The following DPP6 variants were observed in gnomAD, a reference collection of about 807,000 sequenced individuals.
The protein encoded by DPP6 is dipeptidyl peptidase like 6.
Under a neutral mutation model 122.6 loss-of-function variants are expected in DPP6, and 69 were observed. That is an observed-to-expected ratio of 0.56 (90% CI 0.46 to 0.69). The LOEUF is 0.69. Ranked by LOEUF, DPP6 falls within the 30% of genes least tolerant of loss-of-function variation. The pLI, the probability that DPP6 is intolerant of heterozygous loss-of-function variation, is 0.00. For missense variants in DPP6, 928 were observed against 1,116.9 expected, an observed-to-expected ratio of 0.83 and a Z score of 2.41; for synonymous variants, 418 against 433.1, an observed-to-expected ratio of 0.97 and a Z score of 0.43.
intron 1 of DPP6, among the ~76,000 whole-genome samples, chr7:154,370,556 G>A (rs867164572): frequency 9.2e-5 from 14 of 152,132 alleles, no homozygotes; most frequent in African/African-American, 2.2e-4. Context: ...TAAACTCTTC[G>A]TTGATCTTTG....
In DPP6 at chr7:154,499,141, C is replaced by T. The variant is rs1321197772; in HGVS notation, c.457+24104C>T. Among the ~76,000 whole-genome samples the T allele has an allele frequency of 5.9e-5, 9 of 152,238 alleles. No homozygotes were observed. The South Asian group carries it at 1.4e-3, about 25-fold the overall frequency. On this transcript the variant is annotated intron_variant, in intron 3 of 25. Transcript: ENST00000377770. ...TATCTGGACATATTGAATCCCTAGC[C>T]AACATTAGGGTTCTGAGGAGGACAG...
intron 1 of DPP6, among the ~76,000 whole-genome samples, chr7:153,953,748 G>C (rs1357929793): frequency 6.6e-6 from 1 of 152,182 alleles, no homozygotes; most frequent in East Asian, 1.9e-4. Context: ...ATGCATGTGT[G>C]TGTATATGTG....
At chr7:154,763,685 GAGA>G (rs1489610666) in intron 8 of DPP6, among the ~76,000 whole-genome samples, 6 of 152,218 alleles carry the variant, frequency 3.9e-5, no homozygotes, top group African/African-American at 1.4e-4. Flanking sequence ...GAGCGCATGT[GAGA>G]AGAACTCTTA....
At chr7:154,010,527 C>T (rs1367422780) in intron 1 of DPP6, among the ~76,000 whole-genome samples, 2 of 152,228 alleles carry the variant, frequency 1.3e-5, no homozygotes, top group Admixed American at 6.5e-5. Flanking sequence ...AGCTCATCTA[C>T]GTGCATGTCA....
intron 1 of DPP6, among the ~76,000 whole-genome samples, chr7:154,382,011 A>G (rs1473686422): frequency 2.0e-5 from 3 of 151,072 alleles, no homozygotes; most frequent in Non-Finnish European, 2.9e-5. Context: ...TTACATGCAA[A>G]CCAGGTTTTC....
intron 1 of DPP6, among the ~76,000 whole-genome samples, chr7:153,946,334 A>G (rs1801945842): frequency 6.6e-6 from 1 of 152,170 alleles, no homozygotes; most frequent in African/African-American, 2.4e-5. Context: ...AGGTTGGGGC[A>G]GAGATTTCAC....
intron 3 of DPP6, among the ~76,000 whole-genome samples, chr7:154,500,877 A>G (rs1209217340): frequency 6.6e-6 from 1 of 152,194 alleles, no homozygotes; most frequent in Non-Finnish European, 1.5e-5. Context: ...AGCTCAGAAG[A>G]AGGAAAATGT....
At chr7:154,756,635 ACCT>A (rs1843688257) in intron 8 of DPP6, among the ~76,000 whole-genome samples, 1 of 151,550 alleles carries the variant, frequency 6.6e-6, no homozygotes, top group South Asian at 2.1e-4. Context: ...CACCCATCCC[ACCT>A]CCTTAAGGTG....
In DPP6 at chr7:153,980,912, C is replaced by T. The variant is rs370791362; in HGVS notation, c.51+93178C>T. ...TTTGATTGTGCCGTGGTCTGAGAGA[C>T]TGTTCGCTTTAATTTCCGTTCTTTT... On this transcript the variant is annotated intron_variant, in intron 1 of 25. Coordinates refer to the DPP6 transcript ENST00000404039. 2.0e-4 allele frequency among the ~76,000 whole-genome samples: 30 copies of T among 152,296 alleles called. No homozygotes were observed. In the East Asian group the frequency reaches 4.4e-3, roughly 23 times the overall value.
chr7:154,554,175 A>T (rs1446666282), intron 4 of DPP6, among the ~76,000 whole-genome samples: 1 of 152,142 alleles, frequency 6.6e-6, no homozygotes, highest in Non-Finnish European at 1.5e-5. Context: ...GGCCACTATC[A>T]TTAACATTAT....
At chr7:154,365,920 T>A (rs1563551705) in intron 1 of DPP6, among the ~76,000 whole-genome samples, 2 of 137,882 alleles carry the variant, frequency 1.5e-5, no homozygotes, top group Non-Finnish European at 3.0e-5. Context: ...ATCGCGCCAC[T>A]GCGTTCCAGC....
chr7:154,455,085 T>A (rs183127121), intron 2 of DPP6, among the ~76,000 whole-genome samples: 1 of 152,150 alleles, frequency 6.6e-6, no homozygotes, highest in African/African-American at 2.4e-5. Flanking sequence ...CTGCCATCAG[T>A]ATGTCGACAA....
chr7:154,727,921 T>C (rs1163346630), intron 8 of DPP6, 34 bp downstream of exon 8: 1 of 1,561,986 alleles, frequency 6.4e-7, no homozygotes, highest in East Asian at 2.3e-5. Flanking sequence ...AAGGAAGATT[T>C]GTGGTTGCTG....
At chr7:154,493,793 C>T (rs540894047) in intron 3 of DPP6, among the ~76,000 whole-genome samples, 29 of 152,262 alleles carry the variant, frequency 1.9e-4, no homozygotes, top group Admixed American at 4.6e-4. Context: ...ACTGTGATTG[C>T]GAAACCTCTG....
chr7:154,275,001 C>T (rs895241162), intron 1 of DPP6, among the ~76,000 whole-genome samples: 11 of 152,264 alleles, frequency 7.2e-5, no homozygotes, highest in Non-Finnish European at 1.5e-5. Context: ...GCCCCCATGC[C>T]TCTGGACCCT....
chr7:154,058,481 G>GCA (rs1801130241), intron 1 of DPP6: 1 of 140,924 alleles, frequency 7.1e-6, no homozygotes, highest in Non-Finnish European at 1.6e-5. Context: ...ATCGTAGGGG[G>GCA]GGGGAGGCAC....
At chr7:154,300,143 G>A (rs1289921592) in intron 1 of DPP6, among the ~76,000 whole-genome samples, 2 of 152,220 alleles carry the variant, frequency 1.3e-5, no homozygotes, top group Non-Finnish European at 2.9e-5. Context: ...GAGGTAAATA[G>A]CATGGCAAGA....
intron 3 of DPP6, among the ~76,000 whole-genome samples, chr7:154,532,872 C>T (rs1443943694): frequency 1.1e-4 from 16 of 152,012 alleles, no homozygotes; most frequent in Admixed American, 9.2e-4. Context: ...GTCTCTCTGC[C>T]CTTCCTCCAC....
chr7:154,006,644 T>C (rs1223776592), intron 1 of DPP6, among the ~76,000 whole-genome samples: 1 of 152,200 alleles, frequency 6.6e-6, no homozygotes, highest in Non-Finnish European at 1.5e-5. Context: ...TAAGTTATTT[T>C]ACCTATCTGT....
Sources: allele counts gnomAD v4.1 joint callset (sites outside exome capture counted in the v4.1 genomes callset), GRCh38; gene constraint gnomAD v4.1.1; transcripts MANE v1.5; gene names NCBI Gene and HGNC (gene_info 2026-07-23, HGNC 2026-07-21).